The following HIRA variants were observed in gnomAD, a reference collection of about 807,000 sequenced individuals.
The protein encoded by HIRA is histone cell cycle regulator, also known as protein HIRA.
In HIRA, 13 loss-of-function variants were observed where a neutral mutation model predicts 126.6. The ratio of observed to expected loss-of-function variants is 0.10; its 90% CI spans 0.07 to 0.16. The LOEUF is 0.16. Among genes scored for constraint, HIRA ranks in the 10% least tolerant of loss-of-function variants. HIRA has a pLI of 1.00. For missense variants in HIRA, 834 were observed against 1,314.4 expected, an observed-to-expected ratio of 0.63 and a Z score of 5.65; for synonymous variants, 511 against 520.0, an observed-to-expected ratio of 0.98 and a Z score of 0.24.
intron 1 of HIRA, among the ~76,000 whole-genome samples, chr22:19,418,193 T>C (rs1273135656): frequency 6.6e-6 from 1 of 152,208 alleles, no homozygotes; most frequent in Non-Finnish European, 1.5e-5. Flanking sequence ...CTGAATTACA[T>C]ACTTAAAAAT....
At chr22:19,332,729 T>A (rs2146501553) in intron 24 of HIRA, among the ~76,000 whole-genome samples, 1 of 128,560 alleles carries the variant, frequency 7.8e-6, no homozygotes, top group Admixed American at 8.4e-5. Flanking sequence ...TTAGAGAACA[T>A]GAAAGAATGA....
At chr22:19,398,508 C>T (rs1004876737) in intron 5 of HIRA, among the ~76,000 whole-genome samples, 1 of 152,204 alleles carries the variant, frequency 6.6e-6, no homozygotes, top group African/African-American at 2.4e-5. Flanking sequence ...GTCAGAACTC[C>T]AGGGCTGCTG....
intron 2 of HIRA, among the ~76,000 whole-genome samples, chr22:19,410,162 G>C (rs2089340823): frequency 6.6e-6 from 1 of 152,180 alleles, no homozygotes; most frequent in Non-Finnish European, 1.5e-5. Flanking sequence ...TTTCCAAATA[G>C]AACCATGCAA....
chr22:19,402,826 A>G (rs1372791741), intron 5 of HIRA, among the ~76,000 whole-genome samples: 1 of 152,158 alleles, frequency 6.6e-6, no homozygotes, highest in Admixed American at 6.5e-5. Flanking sequence ...TAGCTTTAGG[A>G]CAGGTGTGGT....
intron 3 of HIRA, 55 bp from the exon 4 acceptor site, chr22:19,407,329 T>C: frequency 7.2e-7 from 1 of 1,394,662 alleles, no homozygotes; most frequent in Non-Finnish European, 1.0e-6. Flanking sequence ...CCCATTTGCT[T>C]TATGTAGAGT....
chr22:19,378,680 G>A (rs928253146), intron 13 of HIRA, among the ~76,000 whole-genome samples: 7 of 152,252 alleles, frequency 4.6e-5, no homozygotes, highest in African/African-American at 1.7e-4. Context: ...TCCCCATGGG[G>A]TTGCTGTCAG....
At chr22:19,420,365 CTGAGGTGGGAGGATCTAT>C (rs2089434368) in intron 1 of HIRA, among the ~76,000 whole-genome samples, 1 of 146,708 alleles carries the variant, frequency 6.8e-6, no homozygotes, top group Admixed American at 6.9e-5. Context: ...ACTCAGGAGG[CTGAGGTGGGAGGATCTAT>C]TGAGCTCGGG....
At chr22:19,430,279 G>A (rs2089521321) in intron 1 of HIRA, 1 of 152,178 alleles carries the variant, frequency 6.6e-6, no homozygotes, top group South Asian at 2.1e-4. Flanking sequence ...AGGATGAACA[G>A]TTTCAAAAGA....
intron 11 of HIRA, 102 bp downstream of exon 11, chr22:19,387,609 G>A: frequency 1.4e-6 from 1 of 731,740 alleles, no homozygotes; most frequent in Non-Finnish European, 2.4e-6. Context: ...GAAATGACTT[G>A]TCTGTGTATC....
intron 15 of HIRA, among the ~76,000 whole-genome samples, chr22:19,369,146 G>A (rs1012989253): frequency 2.0e-5 from 3 of 152,156 alleles, no homozygotes; most frequent in Non-Finnish European, 4.4e-5. Flanking sequence ...TGTCTGCTCA[G>A]GCCTACTTGC....
intron 1 of HIRA, among the ~76,000 whole-genome samples, chr22:19,413,661 G>T (rs1265227292): frequency 6.6e-6 from 1 of 151,784 alleles, no homozygotes; most frequent in Non-Finnish European, 1.5e-5. Context: ...GCCCAGGCTA[G>T]AGTGCAGTGG....
chr22:19,349,345 C>T (rs556345287), intron 24 of HIRA, among the ~76,000 whole-genome samples: 7 of 152,258 alleles, frequency 4.6e-5, no homozygotes, highest in Non-Finnish European at 5.9e-5. Flanking sequence ...TCAGGTGATC[C>T]ACCCATCTCG....
At chr22:19,381,570 G>A (rs1336215164) in intron 13 of HIRA, among the ~76,000 whole-genome samples, 1 of 147,682 alleles carries the variant, frequency 6.8e-6, no homozygotes, top group East Asian at 1.9e-4. Flanking sequence ...CTACTGATAC[G>A]TAGAATTAAA....
chr22:19,379,021 A>AT (rs1275531791), intron 13 of HIRA, among the ~76,000 whole-genome samples: 2 of 146,814 alleles, frequency 1.4e-5, no homozygotes, highest in African/African-American at 2.6e-5. Context: ...TGACGTTGAC[A>AT]TTTTTTCTTT....
At chr22:19,409,134 C>T (rs1226029811) in intron 2 of HIRA, among the ~76,000 whole-genome samples, 18 of 152,148 alleles carry the variant, frequency 1.2e-4, no homozygotes, top group Admixed American at 1.2e-3. Flanking sequence ...ACCCTGAACA[C>T]AGGAAAAATG....
At chr22:19,395,008 T>C (rs902409790) in intron 7 of HIRA, among the ~76,000 whole-genome samples, 3 of 152,228 alleles carry the variant, frequency 2.0e-5, no homozygotes, top group Admixed American at 1.3e-4. Flanking sequence ...CTCTTGAGCC[T>C]GTTGCCTCAC....
At chr22:19,384,482 A>G (rs1238130614) in intron 12 of HIRA, among the ~76,000 whole-genome samples, 2 of 152,070 alleles carry the variant, frequency 1.3e-5, no homozygotes, top group Non-Finnish European at 2.9e-5. Context: ...AAGGAAATGT[A>G]TTCTAAATTG....
Position 19,385,754 on chromosome 22 carries a change from G to C in HIRA, c.1114-18C>G. 6.2e-7 allele frequency: 1 copy of C among 1,606,538 alleles called. No homozygotes were observed. Among genetic ancestry groups the C allele is most frequent in the Non-Finnish European group, 8.5e-7 (1 of 1,176,064 alleles). ...ATGCGGCTCTGGGGAAGCAAGGAGAGGCATGACATGCCAGCATGAGTGCCA... is the reference window on the plus strand; with the variant it reads ...ATGCGGCTCTGGGGAAGCAAGGAGACGCATGACATGCCAGCATGAGTGCCA... On this transcript the variant is annotated intron_variant, in intron 11 of 24. Coordinates refer to ENST00000263208, the MANE Select transcript of HIRA (RefSeq NM_003325.4).
At chr22:19,405,677 G>C in intron 5 of HIRA, 109 bp downstream of exon 5, 2 of 908,098 alleles carry the variant, frequency 2.2e-6, no homozygotes, top group South Asian at 3.7e-5. Flanking sequence ...GGACAGCCCA[G>C]ACATAGGGCT....
Sources: gnomAD v4.1 joint callset for allele counts (sites outside exome capture counted in the v4.1 genomes callset) on GRCh38, gnomAD v4.1.1 for gene constraint, MANE v1.5 for transcripts, NCBI Gene and HGNC (gene_info 2026-07-23, HGNC 2026-07-21) for gene names.